CDK14: variants seen among roughly 807,000 people sequenced by gnomAD.
CDK14 encodes cyclin-dependent kinase 14.
CDK14 carries 34 observed loss-of-function variants against 60.7 expected under a neutral mutation model. The ratio of observed to expected loss-of-function variants is 0.56; its 90% CI spans 0.43 to 0.75. CDK14 has a LOEUF of 0.75. CDK14 is among the 30% of genes least tolerant of loss of function. The pLI, the probability that CDK14 is intolerant of heterozygous loss-of-function variation, is 0.00. For synonymous variants in CDK14, 197 were observed against 203.7 expected, an observed-to-expected ratio of 0.97 and a Z score of 0.28; for missense variants, 482 against 564.1, an observed-to-expected ratio of 0.85 and a Z score of 1.47.
intron 11 of CDK14, among the ~76,000 whole-genome samples, chr7:91,069,646 T>G (rs1044501254): frequency 6.6e-5 from 10 of 152,124 alleles, no homozygotes; most frequent in African/African-American, 2.4e-4. Flanking sequence ...AGAAATAAGA[T>G]CAATACTTTA....
chr7:90,858,988 A>C (rs1790918079), intron 5 of CDK14, among the ~76,000 whole-genome samples: 1 of 152,216 alleles, frequency 6.6e-6, no homozygotes, highest in South Asian at 2.1e-4. Context: ...TTACTTTCTC[A>C]CTTGAGTGCT....
At chr7:91,081,746 A>G (rs1798488818) in intron 12 of CDK14, among the ~76,000 whole-genome samples, 6 of 152,154 alleles carry the variant, frequency 3.9e-5, no homozygotes, top group Admixed American at 3.9e-4. Context: ...GTCAGCAACC[A>G]TGGGCATAAT....
chr7:91,081,747 T>C (rs984872267), intron 12 of CDK14, among the ~76,000 whole-genome samples: 2 of 152,138 alleles, frequency 1.3e-5, no homozygotes. Flanking sequence ...TCAGCAACCA[T>C]GGGCATAATT....
At chr7:90,677,436 TTTC>T (rs1801225350) in intron 2 of CDK14, among the ~76,000 whole-genome samples, 1 of 152,220 alleles carries the variant, frequency 6.6e-6, no homozygotes, top group South Asian at 2.1e-4. Flanking sequence ...ATTTTCTCAC[TTTC>T]TTATTGTGTT....
chr7:91,035,913 G>A lies in CDK14; in HGVS notation c.1042-9984G>A, dbSNP rs371286374. Among the ~76,000 whole-genome samples the A allele has an allele frequency of 1.2e-4, 16 of 135,986 alleles. 1 individual carries two copies. In the East Asian group the frequency reaches 3.2e-3, roughly 27 times the overall value. 89.2% of individuals were successfully genotyped at this position (135,986 alleles called of 152,430 possible). Reference sequence around the variant, plus strand: ...CTGCGGACTGCAGTGGCGCAATCTCGGCTCACTGCAAGCTCTGCTTCCCGG... The same window carrying A: ...CTGCGGACTGCAGTGGCGCAATCTCAGCTCACTGCAAGCTCTGCTTCCCGG... On this transcript the variant is annotated intron_variant, in intron 10 of 14. Coordinates refer to ENST00000380050, the MANE Select transcript of CDK14 (RefSeq NM_001287135.2).
chr7:91,104,591 T>C (rs964899171), intron 12 of CDK14, among the ~76,000 whole-genome samples: 1 of 152,194 alleles, frequency 6.6e-6, no homozygotes, highest in African/African-American at 2.4e-5. Flanking sequence ...AGTTCCCTTT[T>C]GCTAACCTCT....
At chr7:90,997,756 G>A (rs1257787389) in intron 10 of CDK14, among the ~76,000 whole-genome samples, 1 of 152,096 alleles carries the variant, frequency 6.6e-6, no homozygotes, top group African/African-American at 2.4e-5. Context: ...ATGAAATACT[G>A]CTTATCTTTC....
chr7:90,897,151 CAT>C (rs1277259547), intron 6 of CDK14, among the ~76,000 whole-genome samples: 7 of 152,016 alleles, frequency 4.6e-5, no homozygotes, highest in Non-Finnish European at 8.8e-5. Context: ...ATGTTGAATA[CAT>C]GTTTCTTGAA....
intron 5 of CDK14, among the ~76,000 whole-genome samples, chr7:90,800,954 C>T (rs1291875515): frequency 2.0e-5 from 3 of 152,214 alleles, no homozygotes; most frequent in Non-Finnish European, 4.4e-5. Context: ...GGTCTTCTCT[C>T]TCTCTGTGTC....
At chr7:90,864,856 A>T (rs1436841649) in intron 6 of CDK14, among the ~76,000 whole-genome samples, 7 of 152,152 alleles carry the variant, frequency 4.6e-5, no homozygotes, top group Non-Finnish European at 1.0e-4. Flanking sequence ...ATTCTTATGG[A>T]GACATCCCAT....
chr7:91,028,256 C>T (rs746273808), intron 10 of CDK14, among the ~76,000 whole-genome samples: 33 of 151,734 alleles, frequency 2.2e-4, no homozygotes, highest in Middle Eastern at 6.8e-3. Flanking sequence ...CAGTATTCCA[C>T]GACAGACACA....
intron 11 of CDK14, among the ~76,000 whole-genome samples, chr7:91,051,753 C>G (rs1371858666): frequency 6.6e-6 from 1 of 152,178 alleles, no homozygotes; most frequent in Non-Finnish European, 1.5e-5. Context: ...ATAAGGCTCT[C>G]TGCTATAAAT....
At chr7:91,181,820 C>T (rs1007373833) in intron 14 of CDK14, among the ~76,000 whole-genome samples, 8 of 152,068 alleles carry the variant, frequency 5.3e-5, no homozygotes, top group Non-Finnish European at 1.5e-5. Flanking sequence ...TTCTTTCTGG[C>T]ATGACAAGAT....
intron 4 of CDK14, among the ~76,000 whole-genome samples, chr7:90,788,152 G>A (rs998141769): frequency 3.9e-5 from 6 of 152,124 alleles, no homozygotes; most frequent in African/African-American, 1.4e-4. Flanking sequence ...CGGGAAAAAG[G>A]TTGTGTGTGT....
At chr7:90,984,311 GC>G in intron 10 of CDK14, 70 bp downstream of exon 10, 2 of 929,378 alleles carry the variant, frequency 2.2e-6, no homozygotes, top group Non-Finnish European at 3.5e-6. Flanking sequence ...AAATTCTACA[GC>G]AGTCTGTGGA....
chr7:90,675,521 C>G (rs571135820), intron 2 of CDK14, among the ~76,000 whole-genome samples: 9 of 151,900 alleles, frequency 5.9e-5, no homozygotes, highest in Non-Finnish European at 1.2e-4. Flanking sequence ...GTTGATAGGA[C>G]GGAATGTGCT....
chr7:90,650,777 G>A (rs528640133), intron 2 of CDK14, among the ~76,000 whole-genome samples: 4 of 152,250 alleles, frequency 2.6e-5, no homozygotes, highest in African/African-American at 7.2e-5. Flanking sequence ...TAGATGTGTG[G>A]TGTTATTTCT....
intron 4 of CDK14, among the ~76,000 whole-genome samples, chr7:90,752,360 G>A (rs1562753270): frequency 6.6e-6 from 1 of 151,290 alleles, no homozygotes; most frequent in Non-Finnish European, 1.5e-5. Context: ...TCAATACCAA[G>A]AGGATTTCCC....
chr7:90,800,882 C>T (rs890603252), intron 5 of CDK14, among the ~76,000 whole-genome samples: 1 of 152,170 alleles, frequency 6.6e-6, no homozygotes, highest in African/African-American at 2.4e-5. Flanking sequence ...TGGCTTCCTA[C>T]AATCTTTGGT....
Sources: gnomAD v4.1 joint callset for allele counts (sites outside exome capture counted in the v4.1 genomes callset) on GRCh38, gnomAD v4.1.1 for gene constraint, MANE v1.5 for transcripts, NCBI Gene and HGNC (gene_info 2026-07-23, HGNC 2026-07-21) for gene names.